Variants in PPP1R12C observed in about 807,000 individuals in gnomAD.
The protein encoded by PPP1R12C is leukocyte receptor cluster (LRC) encoded novel gene 3.
In PPP1R12C, 48 loss-of-function variants were observed where a neutral mutation model predicts 95.6. The observed-to-expected ratio is 0.50, with a 90% CI of 0.40 to 0.64. The LOEUF is 0.64. Ranked by LOEUF, PPP1R12C falls within the 30% of genes least tolerant of loss-of-function variation. PPP1R12C has a pLI of 0.00. For missense variants in PPP1R12C, 1,057 were observed against 1,083.3 expected (o/e 0.98, Z 0.34); for synonymous variants, 480 against 460.8 (o/e 1.04, Z -0.53).
rs1452961816 is a variant in PPP1R12C at position 55,096,181 on chromosome 19, GT to G, written c.1026-4del. ...TGCTCAGACGACACACAGAGCTCCT[GT>G]TGGGGAAGGAGAGGGTGCTGGGGTA... On this transcript the variant is annotated splice_polypyrimidine_tract_variant and splice_region_variant and intron_variant, in intron 7 of 21. Transcript: ENST00000263433. 6 of 1,607,790 alleles carry G rather than the reference GT, an allele frequency of 3.7e-6. No homozygotes were observed. Among genetic ancestry groups the G allele is most frequent in the Non-Finnish European group, 5.1e-6 (6 of 1,176,108 alleles).
At chr19:55,092,139 A>T in intron 19 of PPP1R12C, 83 bp downstream of exon 19, 1 of 1,303,652 alleles carries the variant, frequency 7.7e-7, no homozygotes. Flanking sequence ...CGGCACCCCC[A>T]GGCCAGGCTC....
At chr19:55,107,995 G>T (rs1250274267) in intron 3 of PPP1R12C, among the ~76,000 whole-genome samples, 1 of 149,458 alleles carries the variant, frequency 6.7e-6, no homozygotes, top group Non-Finnish European at 1.5e-5. Flanking sequence ...GAGTGCAGTG[G>T]TGAGATCTCG....
At chr19:55,112,291 TCCTGGAGGCAGGCC>T in intron 3 of PPP1R12C, 162 bp downstream of exon 3, 1 of 535,050 alleles carries the variant, frequency 1.9e-6, no homozygotes, top group Non-Finnish European at 3.3e-6. Context: ...CTCCAAGCAA[TCCTGGAGGCAGGCC>T]CCTACACCCC....
chr19:55,103,995 CA>C (rs35207330), intron 3 of PPP1R12C, among the ~76,000 whole-genome samples: 59 of 118,668 alleles, frequency 5.0e-4, no homozygotes, highest in South Asian at 1.2e-3. Context: ...ACTAAAACTA[CA>C]AAAAAAAAAA....
At chr19:55,108,292 G>GT (rs771790641) in intron 3 of PPP1R12C, among the ~76,000 whole-genome samples, 20 of 151,902 alleles carry the variant, frequency 1.3e-4, no homozygotes, top group Non-Finnish European at 2.6e-4. Flanking sequence ...ATTGGTTGTT[G>GT]TGCAACCAAT....
At chr19:55,112,872 C>T in intron 1 of PPP1R12C, 77 bp from the exon 2 acceptor site, 1 of 1,577,008 alleles carries the variant, frequency 6.3e-7, no homozygotes. Context: ...CAGAGGGAGC[C>T]ACGAAAACAG....
chr19:55,098,406 G>C (rs2084945837), intron 6 of PPP1R12C, among the ~76,000 whole-genome samples: 1 of 152,246 alleles, frequency 6.6e-6, no homozygotes, highest in African/African-American at 2.4e-5. Context: ...GGCTGCCCCG[G>C]GGATGGCTGG....
In PPP1R12C at chr19:55,093,179, C is replaced by G; in HGVS notation, c.1738G>C (p.Glu580Gln). Reference protein sequence around the residue: ...EAEKAAGKAPESEKPAQSLDP... With the variant: ...EAEKAAGKAPQSEKPAQSLDP... Reference sequence around the variant, plus strand: ...AGGCTCTGCGCCGGCTTCTCTGACTCTGGGGCCTTCCCTGCAGCCTTCTCT... The same window carrying G: ...AGGCTCTGCGCCGGCTTCTCTGACTGTGGGGCCTTCCCTGCAGCCTTCTCT... The change falls in exon 14 of 22, where the codon GAG (glutamate) becomes CAG (glutamine). Residue 580 changes from glutamate to glutamine, a missense_variant. Glu to Gln is a conservative substitution (Grantham distance 29). Around this residue, in one of 5 missense-constraint regions of PPP1R12C, gnomAD observed 347 missense variants for 307.9 expected, o/e 1.13. Transcript: ENST00000263433. The G allele has an allele frequency of 6.2e-7, 1 of 1,613,718 alleles. No individual in the cohort carries two copies.
chr19:55,099,401 G>A (rs961665336), intron 4 of PPP1R12C, among the ~76,000 whole-genome samples: 6 of 152,196 alleles, frequency 3.9e-5, no homozygotes, highest in Admixed American at 2.6e-4. Flanking sequence ...GCAGCGGGGT[G>A]TAAGGAGGCA....
At chr19:55,104,998 C>T (rs1176126679) in intron 3 of PPP1R12C, among the ~76,000 whole-genome samples, 1 of 151,466 alleles carries the variant, frequency 6.6e-6, no homozygotes, top group Non-Finnish European at 1.5e-5. Flanking sequence ...TCTTGAACTC[C>T]TGACCTCATG....
chr19:55,111,962 C>A (rs2085100128), intron 3 of PPP1R12C: 1 of 152,926 alleles, frequency 6.5e-6, no homozygotes. Context: ...AACACCCCTT[C>A]CCTAGAAAAA....
In PPP1R12C at chr19:55,098,841, G is replaced by A. The variant is rs1386543537; in HGVS notation, c.894C>T (p.Asp298=). Residue 298 remains aspartate (D), a synonymous_variant, in exon 6 of 22, where the codon GAC becomes GAT. Transcript: ENST00000263433. ...SLTHAGQRPC[D]LADEEVLSLL... ...GGCTCAGTACTTCCTCATCGGCCAG[G>A]TCACAGGGACGCTGCCCCTGGGTCA... The A allele has an allele frequency of 1.2e-6, 2 of 1,613,438 alleles. No individual in the cohort carries two copies. The highest frequency in any genetic ancestry group is 1.1e-5 in the South Asian group (1 of 91,086).
At chr19:55,096,969 C>T (rs1210010872) in intron 6 of PPP1R12C, 3 of 196,712 alleles carry the variant, frequency 1.5e-5, no homozygotes, top group South Asian at 3.8e-5. Flanking sequence ...TCGCCCCTTC[C>T]CCGCGCAGTT....
intron 3 of PPP1R12C, among the ~76,000 whole-genome samples, chr19:55,107,853 A>AAAAAAT (rs745906629): frequency 6.6e-6 from 1 of 152,024 alleles, no homozygotes; most frequent in Admixed American, 6.5e-5. Context: ...TTAAAAAAAT[A>AAAAAAT]AAAAATAAAA....
rs142133566 is a variant in PPP1R12C, at chr19:55,101,674, C to T, written c.731+1735G>A. The stretch of plus-strand genomic sequence containing the variant: ...TGGAAGCCGTGGGAGGAAAAGGACA[C>T]GGCCTCCAGGCCTGGGCACATCACT... On this transcript the variant is annotated intron_variant, in intron 4 of 21. Coordinates refer to ENST00000263433, the MANE Select transcript of PPP1R12C (RefSeq NM_017607.4). 5.0e-4 allele frequency among the ~76,000 whole-genome samples: 76 copies of T among 152,346 alleles called. No individual in the cohort carries two copies. In the East Asian group the frequency reaches 0.012, roughly 23 times the overall value.
chr19:55,094,872 T>A (rs900871151), intron 11 of PPP1R12C, 74 bp from the exon 12 acceptor site: 8 of 1,484,942 alleles, frequency 5.4e-6, no homozygotes, highest in Middle Eastern at 3.4e-4. Flanking sequence ...CAGCCGTGAG[T>A]GAAAGAAACA....
chr19:55,095,407 AG>A (rs775490474), intron 10 of PPP1R12C, 37 bp downstream of exon 10: 148 of 1,564,792 alleles, frequency 9.5e-5, no homozygotes, highest in Non-Finnish European at 1.2e-4. Context: ...TCGACTGGGC[AG>A]GGGCCTGGGC....
chr19:55,093,320 CTCCTCCCTCAG>C, intron 13 of PPP1R12C, 87 bp from the exon 14 acceptor site: 4 of 440,254 alleles, frequency 9.1e-6, no homozygotes, highest in East Asian at 1.6e-4. Context: ...GCCCCAGCCC[CTCCTCCCTCAG>C]ACCCAGGAGC....
chr19:55,095,230 G>C (rs2084896468), intron 11 of PPP1R12C, 61 bp downstream of exon 11: 1 of 1,483,596 alleles, frequency 6.7e-7, no homozygotes, highest in Non-Finnish European at 9.2e-7. Flanking sequence ...GGATCACACG[G>C]ACAGGCTTGG....
Sources: gnomAD v4.1 joint callset for allele counts (sites outside exome capture counted in the v4.1 genomes callset) on GRCh38, gnomAD v4.1.1 for gene constraint, gnomAD v4.1.1 regional missense constraint, MANE v1.5 for transcripts, NCBI Gene and HGNC (gene_info 2026-07-23, HGNC 2026-07-21) for gene names.